Variants in ANO7 observed in about 807,000 individuals in gnomAD.
ANO7 encodes the protein anoctamin 7, also known as anoctamin-7.
A neutral mutation model predicts 115.8 loss-of-function variants in ANO7; 114 were observed. The ratio of observed to expected loss-of-function variants is 0.98; its 90% CI spans 0.85 to 1.15. The LOEUF (loss-of-function observed/expected upper bound fraction) is 1.15, where lower values mean the gene tolerates loss of function less well. Ranked by LOEUF, ANO7 falls within the 50% of genes most tolerant of loss-of-function variation. The pLI is 0.00. For synonymous variants in ANO7, 550 were observed against 498.2 expected, an observed-to-expected ratio of 1.10 and a Z score of -1.38; for missense variants, 1,302 against 1,201.2, an observed-to-expected ratio of 1.08 and a Z score of -1.24.
Position 241,190,063 on chromosome 2 carries a change from G to C in ANO7, c.-1G>C. 2 of 1,571,434 alleles carry C rather than the reference G, an allele frequency of 1.3e-6. No individual in the cohort carries two copies. The highest frequency in any genetic ancestry group is 2.3e-5 in the East Asian group (1 of 42,612). On this transcript the variant is annotated 5_prime_UTR_variant, in exon 2 of 25. Transcript: ENST00000674324. ...CCGGCCTTGCTGGGTGCAGGAGCAG[G>C]ATGCTGCGGCGACGGGCCCAGGAAG...
downstream of ANO7, chr2:241,230,358 G>T: frequency 1.2e-6 from 1 of 853,324 alleles, no homozygotes. The surrounding 1 kb of genome is among the most constrained non-coding windows in gnomAD (Gnocchi z 5.0). Flanking sequence ...AGCATTTTCT[G>T]AGTTAGCAAA....
chr2:241,215,409 C>T (rs1300044670), intron 18 of ANO7, among the ~76,000 whole-genome samples: 1 of 152,226 alleles, frequency 6.6e-6, no homozygotes, highest in Non-Finnish European at 1.5e-5. Context: ...GCCTCGCCTC[C>T]CGCTCAAGGC....
At chr2:241,199,253 C>A in intron 4 of ANO7, 63 bp from the exon 5 acceptor site, 3 of 1,394,740 alleles carry the variant, frequency 2.2e-6, no homozygotes, top group Non-Finnish European at 3.1e-6. Context: ...CGAATGGACA[C>A]ACACATGTGC....
chr2:241,239,026 G>A, the ANO7 span, among the ~76,000 whole-genome samples: 2 of 152,182 alleles, frequency 1.3e-5, no homozygotes, highest in Non-Finnish European at 2.9e-5. This position sits in a 1 kb window ranked among gnomAD's most constrained non-coding sequence, Gnocchi z 4.6. Flanking sequence ...TCCCTGGAGG[G>A]TGGCCAATTC....
At chr2:241,197,725 A>C (rs2068377575) in intron 4 of ANO7, among the ~76,000 whole-genome samples, 2 of 146,078 alleles carry the variant, frequency 1.4e-5, no homozygotes, top group African/African-American at 5.1e-5. Flanking sequence ...ATCTTGGCTC[A>C]CTACAACTTC....
chr2:241,237,569 CA>C, the ANO7 span, among the ~76,000 whole-genome samples: 1 of 152,092 alleles, frequency 6.6e-6, no homozygotes, highest in Admixed American at 6.6e-5. Flanking sequence ...GAAAAACTGG[CA>C]AATTTGAATA....
At chr2:241,191,042 C>T in intron 2 of ANO7, 152 bp from the exon 3 acceptor site, 1 of 879,186 alleles carries the variant, frequency 1.1e-6, no homozygotes, top group African/African-American at 1.6e-5. Context: ...CCCCTACCCA[C>T]CCGCCGAACA....
rs2069107435 is a variant in ANO7 at position 241,224,374 on chromosome 2, C to T, written c.*221C>T. 2 of 585,690 alleles carry T rather than the reference C, an allele frequency of 3.4e-6. No individual in the cohort carries two copies. Among genetic ancestry groups the T allele is most frequent in the Non-Finnish European group, 6.0e-6 (2 of 332,312 alleles). The allele number at this position is 585,690 out of a possible 1,614,324, so 36.3% of individuals were successfully genotyped here. On this transcript the variant is annotated 3_prime_UTR_variant, in exon 25 of 25. Transcript: ENST00000674324. ...GGGAGGGACCGTCAGCTCACAAGGC[C>T]CTCTTTGTTTCCTGCTCCCAGACAT...
At chr2:241,198,253 C>G (rs1369394446) in intron 4 of ANO7, among the ~76,000 whole-genome samples, 1 of 152,208 alleles carries the variant, frequency 6.6e-6, no homozygotes, top group Non-Finnish European at 1.5e-5. Flanking sequence ...GTGCCCCTCC[C>G]TGCCCCGCTC....
chr2:241,236,699 A>C, the ANO7 span: 1 of 1,614,112 alleles, frequency 6.2e-7, no homozygotes, highest in Non-Finnish European at 8.5e-7. Flanking sequence ...AGCCGGGGTC[A>C]CAATCTTTAG....
At chr2:241,193,450 G>A (rs1311741501) in intron 3 of ANO7, among the ~76,000 whole-genome samples, 2 of 152,052 alleles carry the variant, frequency 1.3e-5, no homozygotes, top group Non-Finnish European at 2.9e-5. Context: ...TGAGGCTTAA[G>A]GCATCCTCGC....
chr2:241,208,166 A>G (rs2068633784), intron 11 of ANO7, among the ~76,000 whole-genome samples: 1 of 152,212 alleles, frequency 6.6e-6, no homozygotes, highest in Non-Finnish European at 1.5e-5. Flanking sequence ...CACTGGACCC[A>G]GAGCCCTTGG....
At chr2:241,189,201 G>A (rs995189292) in intron 1 of ANO7, among the ~76,000 whole-genome samples, 4 of 151,332 alleles carry the variant, frequency 2.6e-5, no homozygotes, top group Non-Finnish European at 5.9e-5. Context: ...GGCCGGGGCC[G>A]AGTCCTAACA....
intron 1 of ANO7, 124 bp from the exon 2 acceptor site, chr2:241,189,933 G>GC: frequency 1.4e-6 from 1 of 714,566 alleles, no homozygotes; most frequent in Non-Finnish European, 2.3e-6. Flanking sequence ...AGCCAGCCCA[G>GC]CCCCATTCTA....
intron 1 of ANO7, 135 bp from the exon 2 acceptor site, chr2:241,189,922 G>GAGCCAGCCC: frequency 1.6e-6 from 1 of 644,836 alleles, no homozygotes; most frequent in East Asian, 3.0e-5. Flanking sequence ...AGAGTCTGCC[G>GAGCCAGCCC]AGCCAGCCCA....
At chr2:241,211,794 G>T (rs958531611) in intron 15 of ANO7, among the ~76,000 whole-genome samples, 4 of 152,150 alleles carry the variant, frequency 2.6e-5, no homozygotes, top group African/African-American at 9.7e-5. Context: ...AGTCCGCTGC[G>T]CAGCCTTGGC....
At chr2:241,215,000 A>G in intron 18 of ANO7, 98 bp downstream of exon 18, 1 of 1,151,852 alleles carries the variant, frequency 8.7e-7, no homozygotes, top group Non-Finnish European at 1.2e-6. Flanking sequence ...CTGGGAGAAG[A>G]GGTGAAGGGA....
chr2:241,190,658 C>G (rs905536400), intron 2 of ANO7, among the ~76,000 whole-genome samples: 1 of 152,224 alleles, frequency 6.6e-6, no homozygotes, highest in African/African-American at 2.4e-5. Context: ...CTGGGCCACA[C>G]GTCTGCCCCA....
rs769194421 is a variant in ANO7, at chr2:241,200,209, G to A, written c.538G>A (p.Val180Met). 37 of 1,612,906 alleles carry A rather than the reference G, an allele frequency of 2.3e-5. No homozygotes were observed. The highest frequency in any genetic ancestry group is 1.4e-5 in the Non-Finnish European group (17 of 1,179,884). The stretch of plus-strand genomic sequence containing the variant: ...CGAGTACTACTCCTGCCGGTTCAGA[G>A]TGAACAAGCTGCCACGGTAAGGCAG... ...PPEYYSCRFR[V>M]NKLPRFLGSD... The change falls in exon 6 of 25, where the codon GTG becomes ATG. Residue 180 changes from valine to methionine, a missense_variant. By Grantham distance (21) the Val-to-Met change is conservative. Coordinates refer to ENST00000674324, the MANE Select transcript of ANO7 (RefSeq NM_001370694.2).
Sources: allele counts gnomAD v4.1 joint callset (sites outside exome capture counted in the v4.1 genomes callset), GRCh38; gene constraint gnomAD v4.1.1; non-coding constraint Gnocchi (gnomAD v3.1); transcripts MANE v1.5; gene names NCBI Gene and HGNC (gene_info 2026-07-23, HGNC 2026-07-21).